Variants in SCCPDH observed in about 807,000 individuals in gnomAD.
SCCPDH encodes saccharopine dehydrogenase (putative).
Under a neutral mutation model 51.5 loss-of-function variants are expected in SCCPDH, and 34 were observed. That is an observed-to-expected ratio of 0.66 (90% confidence interval 0.50 to 0.88). The LOEUF (loss-of-function observed/expected upper bound fraction) is 0.88. SCCPDH is among the 40% of genes least tolerant of loss of function. The probability of loss-of-function intolerance (pLI) is 0.00; values close to 1 mark genes in which losing one functional copy is unlikely to be tolerated. For missense variants in SCCPDH, 464 were observed against 527.1 expected (o/e 0.88, Z 1.17); for synonymous variants, 187 against 191.3 (o/e 0.98, Z 0.19).
intron 5 of SCCPDH, among the ~76,000 whole-genome samples, chr1:246,747,861 T>C (rs1668784856): frequency 1.3e-5 from 2 of 152,140 alleles, no homozygotes; most frequent in Non-Finnish European, 2.9e-5. Context: ...GGGGGTTGTT[T>C]ACTGAAACTA....
At chr1:246,751,731 T>C (rs573149125) in intron 5 of SCCPDH, among the ~76,000 whole-genome samples, 1 of 152,242 alleles carries the variant, frequency 6.6e-6, no homozygotes, top group Admixed American at 6.5e-5. Context: ...TAATTTACTT[T>C]AGGACAAGAA....
intron 5 of SCCPDH, among the ~76,000 whole-genome samples, chr1:246,753,873 A>G (rs917475570): frequency 6.6e-6 from 1 of 151,426 alleles, no homozygotes; most frequent in Non-Finnish European, 1.5e-5. Flanking sequence ...AAGGAGGGGG[A>G]CAATGGGGAT....
intron 5 of SCCPDH, among the ~76,000 whole-genome samples, chr1:246,750,313 A>G (rs1173235897): frequency 6.6e-6 from 1 of 152,136 alleles, no homozygotes; most frequent in Non-Finnish European, 1.5e-5. Context: ...CAAACATACA[A>G]TTTCTGAGGA....
At chr1:246,739,858 G>A (rs1031620595) in intron 3 of SCCPDH, among the ~76,000 whole-genome samples, 4 of 151,490 alleles carry the variant, frequency 2.6e-5, no homozygotes, top group Non-Finnish European at 5.9e-5. Flanking sequence ...GCTGTTTGGG[G>A]TCATTTTTTT....
chr1:246,752,713 TG>T (rs1377610127), intron 5 of SCCPDH, among the ~76,000 whole-genome samples: 1 of 152,110 alleles, frequency 6.6e-6, no homozygotes, highest in Non-Finnish European at 1.5e-5. Flanking sequence ...TTGTCTGCGG[TG>T]GGGAGCAAGT....
intron 1 of SCCPDH, among the ~76,000 whole-genome samples, chr1:246,725,053 G>C (rs564436921): frequency 6.6e-6 from 1 of 152,138 alleles, no homozygotes; most frequent in Admixed American, 6.5e-5. Flanking sequence ...CCTTTGCCTC[G>C]TGTTTTGAGG....
chr1:246,761,267 C>T (rs925769510), intron 9 of SCCPDH, among the ~76,000 whole-genome samples: 3 of 152,122 alleles, frequency 2.0e-5, no homozygotes, highest in African/African-American at 4.8e-5. Context: ...AGTAGAGACA[C>T]GGTTTCACCA....
At position 246,744,101 on chromosome 1, in the gene SCCPDH, C is replaced by T. The variant is rs1235992265; in HGVS notation, c.540C>T (p.Phe180=). ...GTACTTTGACTGCTGTGGAAAGTTT[C>T]CTGACTATACATTCAGGACCTGAGG... ...MNGTLTAVES[F]LTIHSGPEGL... The change falls in exon 5 of 12, where the codon TTC becomes TTT. Residue 180 remains phenylalanine, a synonymous_variant. Transcript: ENST00000366510. 1 of 1,603,130 alleles carries T rather than the reference C, an allele frequency of 6.2e-7. No individual in the cohort carries two copies. The highest frequency in any genetic ancestry group is 2.2e-5 in the East Asian group (1 of 44,608).
intron 2 of SCCPDH, 102 bp downstream of exon 2, chr1:246,727,106 A>G (rs969667400): frequency 2.7e-5 from 26 of 953,470 alleles, no homozygotes; most frequent in Non-Finnish European, 4.1e-5. Flanking sequence ...TGTTGGTTGA[A>G]GGCCTTAACC....
chr1:246,740,013 G>A (rs549842502), intron 3 of SCCPDH, among the ~76,000 whole-genome samples, 159 bp from the exon 4 acceptor site: 47 of 152,236 alleles, frequency 3.1e-4, no homozygotes, highest in Non-Finnish European at 5.4e-4. Context: ...TGTATTTGCC[G>A]AATAAGTGGA....
At chr1:246,760,371 C>G (rs569309077) in intron 9 of SCCPDH, 144 bp downstream of exon 9, 3 of 681,688 alleles carry the variant, frequency 4.4e-6, no homozygotes, top group Non-Finnish European at 7.2e-6. Context: ...TTCAAACACC[C>G]CTTGAATGTA....
At chr1:246,728,071 A>G (rs1325669595) in intron 2 of SCCPDH, among the ~76,000 whole-genome samples, 1 of 152,138 alleles carries the variant, frequency 6.6e-6, no homozygotes, top group Admixed American at 6.5e-5. Context: ...GGTCCAGAGT[A>G]TATTTTCAAA....
intron 5 of SCCPDH, among the ~76,000 whole-genome samples, chr1:246,745,643 G>T (rs1668747714): frequency 6.6e-6 from 1 of 151,886 alleles, no homozygotes. Context: ...AGATGGGGTG[G>T]GATGGAACGT....
At chr1:246,760,298 G>T (rs904188309) in intron 9 of SCCPDH, 71 bp downstream of exon 9, 1 of 1,270,644 alleles carries the variant, frequency 7.9e-7, no homozygotes, top group African/African-American at 1.5e-5. Context: ...TCTAACACTT[G>T]ACAGGGCACT....
At chr1:246,761,423 A>G (rs898658414) in intron 9 of SCCPDH, among the ~76,000 whole-genome samples, 9 of 152,338 alleles carry the variant, frequency 5.9e-5, no homozygotes, top group Middle Eastern at 3.4e-3. Context: ...AAAATGTACC[A>G]TCTTAACCAT....
At chr1:246,732,697 G>A (rs766838461) in intron 2 of SCCPDH, among the ~76,000 whole-genome samples, 1 of 152,072 alleles carries the variant, frequency 6.6e-6, no homozygotes. Flanking sequence ...CTGCTTCCAG[G>A]TTTTAACCTG....
intron 2 of SCCPDH, among the ~76,000 whole-genome samples, chr1:246,732,909 A>G (rs1049004592): frequency 1.1e-4 from 16 of 152,202 alleles, no homozygotes; most frequent in Admixed American, 5.9e-4. Flanking sequence ...AGGGTCACAC[A>G]GCTAGTGGCT....
chr1:246,764,208 G>A lies in SCCPDH; in HGVS notation c.991-38G>A, dbSNP rs375215580. 4.9e-5 allele frequency: 61 copies of A among 1,241,126 alleles called. No homozygotes were observed. The Middle Eastern group carries it at 1.9e-3, about 38-fold the overall frequency. 76.9% of individuals were successfully genotyped at this position (1,241,126 alleles called of 1,614,324 possible). ...TTACTATGTTCCAGGAGGAAATGAC[G>A]TATTTATGAAATGCGCCCTTTGCCT... On this transcript the variant is annotated intron_variant, in intron 9 of 11. Coordinates refer to ENST00000366510, the MANE Select transcript of SCCPDH (RefSeq NM_016002.3).
chr1:246,766,397 A>G (rs1025008797), intron 11 of SCCPDH, among the ~76,000 whole-genome samples: 44 of 152,338 alleles, frequency 2.9e-4, no homozygotes, highest in African/African-American at 1.0e-3. Flanking sequence ...TCAGCCCTTT[A>G]TAAAGATACC....
Sources: allele counts gnomAD v4.1 joint callset (sites outside exome capture counted in the v4.1 genomes callset), GRCh38; gene constraint gnomAD v4.1.1; transcripts MANE v1.5; gene names NCBI Gene and HGNC (gene_info 2026-07-23, HGNC 2026-07-21).